PDLIM5: variants seen among roughly 807,000 people sequenced by gnomAD.
PDLIM5 encodes PDZ and LIM domain 5, also known as PDZ and LIM domain protein 5.
Under a neutral mutation model 64.2 loss-of-function variants are expected in PDLIM5, and 34 were observed. The observed-to-expected ratio is 0.53, with a 90% confidence interval of 0.40 to 0.71. The LOEUF (loss-of-function observed/expected upper bound fraction) is 0.71. PDLIM5 is among the 30% of genes least tolerant of loss of function. PDLIM5 has a pLI of 0.00. For synonymous variants in PDLIM5, 253 were observed against 269.1 expected (o/e 0.94, Z 0.59); for missense variants, 683 against 733.6 (o/e 0.93, Z 0.80).
At chr4:94,597,783 G>GA (rs886365669) in intron 7 of PDLIM5, among the ~76,000 whole-genome samples, 3 of 151,630 alleles carry the variant, frequency 2.0e-5, no homozygotes, top group African/African-American at 7.3e-5. Context: ...TTCAAAAAAG[G>GA]AAAAAAAAGT....
At chr4:94,636,088 GTT>G (rs1190116282) in intron 8 of PDLIM5, among the ~76,000 whole-genome samples, 1 of 152,178 alleles carries the variant, frequency 6.6e-6, no homozygotes, top group African/African-American at 2.4e-5. Flanking sequence ...CATGTTTCAT[GTT>G]TAAGAATGGC....
At chr4:94,631,065 CTTT>C (rs35302992) in intron 8 of PDLIM5, among the ~76,000 whole-genome samples, 1,979 of 135,656 alleles carry the variant, frequency 0.015, 37 homozygotes, top group African/African-American at 0.052. Flanking sequence ...CCATGCCAAA[CTTT>C]TTTTTTTTTT....
chr4:94,642,467 T>A (rs1281791578), intron 9 of PDLIM5, among the ~76,000 whole-genome samples: 1 of 152,196 alleles, frequency 6.6e-6, no homozygotes, highest in African/African-American at 2.4e-5. Flanking sequence ...TGCACAGTCA[T>A]CCTGCCGTGT....
chr4:94,549,660 C>G (rs1380039769), intron 3 of PDLIM5: 3 of 152,116 alleles, frequency 2.0e-5, no homozygotes, highest in African/African-American at 7.2e-5. Flanking sequence ...AGGTGTAAAA[C>G]AGTGTGCGTA....
chr4:94,545,434 C>A (rs1732225211), intron 3 of PDLIM5, among the ~76,000 whole-genome samples: 1 of 151,952 alleles, frequency 6.6e-6, no homozygotes, highest in African/African-American at 2.4e-5. Context: ...GTATGTTTTT[C>A]CGGGGGAAAA....
intron 2 of PDLIM5, among the ~76,000 whole-genome samples, chr4:94,457,692 C>A (rs1414105269): frequency 1.3e-5 from 2 of 152,154 alleles, no homozygotes; most frequent in Non-Finnish European, 1.5e-5. Flanking sequence ...AAAAAAGTTT[C>A]ATGTGCTTCA....
intron 2 of PDLIM5, among the ~76,000 whole-genome samples, chr4:94,460,993 C>T (rs780905388): frequency 2.6e-5 from 4 of 152,144 alleles, no homozygotes; most frequent in Non-Finnish European, 5.9e-5. Flanking sequence ...CATGTGAATA[C>T]ACAGTTGAAC....
chr4:94,556,255 A>G (rs894782875), intron 3 of PDLIM5, among the ~76,000 whole-genome samples: 4 of 152,162 alleles, frequency 2.6e-5, no homozygotes, highest in Admixed American at 2.6e-4. Context: ...TTATGACTGC[A>G]TAGTGTTCCA....
rs983218747 is a variant in PDLIM5, at chr4:94,652,285, T to C, written c.1284-2175T>C. 9.2e-5 allele frequency among the ~76,000 whole-genome samples: 14 copies of C among 152,166 alleles called. 2 individuals carry two copies. The highest frequency in any genetic ancestry group is 3.4e-4 in the African/African-American group (14 of 41,450). On this transcript the variant is annotated intron_variant, in intron 9 of 12. Coordinates refer to ENST00000317968, the MANE Select transcript of PDLIM5 (RefSeq NM_006457.5). ...TGGATGAGCTAAAGATGTGCCCTAG[T>C]AAAAAACTCACCCTAGTAAATGGCT...
intron 5 of PDLIM5, chr4:94,579,537 A>T (rs1169606516): frequency 7.3e-7 from 1 of 1,374,614 alleles, no homozygotes; most frequent in Non-Finnish European, 1.0e-6. Context: ...CAAGTGACAA[A>T]GTTAGTATCC....
intron 2 of PDLIM5, among the ~76,000 whole-genome samples, chr4:94,483,743 T>C (rs1386487142): frequency 6.6e-6 from 1 of 152,196 alleles, no homozygotes; most frequent in African/African-American, 2.4e-5. Context: ...ATCCCAGATA[T>C]GTCATTTGCT....
intron 3 of PDLIM5, among the ~76,000 whole-genome samples, chr4:94,571,652 T>TC (rs1734811868): frequency 1.3e-5 from 2 of 152,222 alleles, no homozygotes; most frequent in African/African-American, 4.8e-5. Context: ...ATTTTTTTCG[T>TC]AATTATACCT....
At chr4:94,538,855 T>C (rs1731537142) in intron 3 of PDLIM5, among the ~76,000 whole-genome samples, 1 of 152,162 alleles carries the variant, frequency 6.6e-6, no homozygotes, top group Admixed American at 6.5e-5. Flanking sequence ...GAATAAACCT[T>C]ATGTAACTGA....
At chr4:94,472,694 C>A (rs538537315) in intron 2 of PDLIM5, among the ~76,000 whole-genome samples, 1 of 152,080 alleles carries the variant, frequency 6.6e-6, no homozygotes, top group African/African-American at 2.4e-5. Context: ...TCCCTAAATG[C>A]GGCATTTATA....
chr4:94,625,748 C>G (rs757626853), intron 8 of PDLIM5, among the ~76,000 whole-genome samples: 1 of 152,214 alleles, frequency 6.6e-6, no homozygotes, highest in South Asian at 2.1e-4. Context: ...CCACTGCGCC[C>G]GGCCAATATT....
chr4:94,656,614 T>C (rs1029355576), intron 10 of PDLIM5, among the ~76,000 whole-genome samples: 1 of 149,294 alleles, frequency 6.7e-6, no homozygotes, highest in African/African-American at 2.4e-5. Flanking sequence ...TATATAATTA[T>C]GTATATTTTA....
intron 7 of PDLIM5, among the ~76,000 whole-genome samples, chr4:94,616,175 A>G (rs1738770336): frequency 6.6e-6 from 1 of 152,148 alleles, no homozygotes; most frequent in Non-Finnish European, 1.5e-5. Flanking sequence ...GATTATATAC[A>G]TTATTAATTA....
At chr4:94,504,435 C>T (rs1728208412) in intron 2 of PDLIM5, among the ~76,000 whole-genome samples, 1 of 151,892 alleles carries the variant, frequency 6.6e-6, no homozygotes, top group African/African-American at 2.4e-5. Context: ...TACAGGTGTG[C>T]GCCACCACGC....
chr4:94,519,800 G>GT (rs1729671807), intron 2 of PDLIM5, among the ~76,000 whole-genome samples: 1 of 152,130 alleles, frequency 6.6e-6, no homozygotes, highest in African/African-American at 2.4e-5. Context: ...TCCTAGTAAA[G>GT]TAAGATGGGC....
Sources: gnomAD v4.1 joint callset for allele counts (sites outside exome capture counted in the v4.1 genomes callset) on GRCh38, gnomAD v4.1.1 for gene constraint, MANE v1.5 for transcripts, NCBI Gene and HGNC (gene_info 2026-07-23, HGNC 2026-07-21) for gene names.